MSRB3: variants seen among roughly 807,000 people sequenced by gnomAD.
MSRB3 encodes methionine-R-sulfoxide reductase B3.
In MSRB3, 13 loss-of-function variants were observed where a neutral mutation model predicts 21.0. The ratio of observed to expected loss-of-function variants is 0.62; its 90% CI spans 0.40 to 0.98. The LOEUF is 0.98. Ranked by LOEUF, MSRB3 falls within the 50% of genes least tolerant of loss-of-function variation. The pLI is 0.00. For synonymous variants in MSRB3, 87 were observed against 88.6 expected, an observed-to-expected ratio of 0.98 and a Z score of 0.10; for missense variants, 199 against 230.3, an observed-to-expected ratio of 0.86 and a Z score of 0.88.
intron 1 of MSRB3, among the ~76,000 whole-genome samples, chr12:65,299,751 T>G (rs941822180): frequency 2.0e-5 from 3 of 152,212 alleles, no homozygotes; most frequent in Admixed American, 6.5e-5. Flanking sequence ...ACTGATACCC[T>G]GAGTCTTTCC....
At chr12:65,397,628 C>T (rs1297684556) in intron 5 of MSRB3, among the ~76,000 whole-genome samples, 1 of 151,928 alleles carries the variant, frequency 6.6e-6, no homozygotes, top group African/African-American at 2.4e-5. Flanking sequence ...AATTATTATA[C>T]TCTAAGTTCT....
chr12:65,303,998 G>A (rs1042955157), intron 1 of MSRB3, among the ~76,000 whole-genome samples: 1 of 152,210 alleles, frequency 6.6e-6, no homozygotes, highest in African/African-American at 2.4e-5. Context: ...GAGTTCAGCA[G>A]CAGCTGAGTG....
intron 5 of MSRB3, among the ~76,000 whole-genome samples, chr12:65,378,862 A>G (rs1355793110): frequency 6.6e-6 from 1 of 152,214 alleles, no homozygotes; most frequent in Non-Finnish European, 1.5e-5. Flanking sequence ...TTTTTTTGTA[A>G]GTAATCCAGC....
intron 5 of MSRB3, among the ~76,000 whole-genome samples, chr12:65,421,254 A>G (rs984392913): frequency 2.0e-5 from 3 of 151,906 alleles, no homozygotes; most frequent in Non-Finnish European, 4.4e-5. Context: ...GACCACATAC[A>G]TGTCTTCTTT....
At chr12:65,317,039 A>T (rs1410344844) in intron 2 of MSRB3, among the ~76,000 whole-genome samples, 1 of 152,138 alleles carries the variant, frequency 6.6e-6, no homozygotes, top group East Asian at 1.9e-4. Context: ...GAGAAACAGA[A>T]TGGACAAATA....
At chr12:65,400,627 C>G (rs1356229012) in intron 5 of MSRB3, among the ~76,000 whole-genome samples, 1 of 152,022 alleles carries the variant, frequency 6.6e-6, no homozygotes, top group East Asian at 1.9e-4. Context: ...CTGCTCGGAT[C>G]TTAGTTATTT....
chr12:65,283,433 A>T (rs1175671438), intron 1 of MSRB3, among the ~76,000 whole-genome samples: 4 of 144,420 alleles, frequency 2.8e-5, no homozygotes, highest in African/African-American at 1.0e-4. Context: ...ATCACCTAGA[A>T]TTTTTTTTTT....
At chr12:65,428,246 T>A (rs546197696) in intron 5 of MSRB3, among the ~76,000 whole-genome samples, 1 of 152,204 alleles carries the variant, frequency 6.6e-6, no homozygotes, top group Non-Finnish European at 1.5e-5. Flanking sequence ...TTCTTCTTTG[T>A]TCTGGGCAAT....
chr12:65,348,514 T>G (rs1876690328), intron 4 of MSRB3, among the ~76,000 whole-genome samples: 2 of 152,268 alleles, frequency 1.3e-5, no homozygotes, highest in African/African-American at 4.8e-5. Flanking sequence ...TCTATCAATT[T>G]TGTTGATCTT....
At chr12:65,359,427 G>A (rs1877578411) in intron 4 of MSRB3, among the ~76,000 whole-genome samples, 1 of 151,874 alleles carries the variant, frequency 6.6e-6, no homozygotes, top group South Asian at 2.1e-4. Context: ...AAATTTCCAG[G>A]GAATATAAGA....
At chr12:65,383,087 A>G (rs1879029711) in intron 5 of MSRB3, among the ~76,000 whole-genome samples, 1 of 152,210 alleles carries the variant, frequency 6.6e-6, no homozygotes, top group South Asian at 2.1e-4. Context: ...TATGTACATT[A>G]TGATTTTTTA....
intron 5 of MSRB3, among the ~76,000 whole-genome samples, chr12:65,369,365 T>C (rs1878194110): frequency 1.3e-5 from 2 of 152,212 alleles, no homozygotes. Context: ...AAATTCTCTT[T>C]AGGTTGTCAC....
chr12:65,411,060 A>G (rs1349764792), intron 5 of MSRB3, among the ~76,000 whole-genome samples: 1 of 150,770 alleles, frequency 6.6e-6, no homozygotes, highest in Non-Finnish European at 1.5e-5. Flanking sequence ...CTCTTTGTGT[A>G]GGTTTTCATT....
chr12:65,431,056 G>A (rs1881853727), intron 5 of MSRB3, among the ~76,000 whole-genome samples: 1 of 152,014 alleles, frequency 6.6e-6, no homozygotes, highest in Admixed American at 6.6e-5. Context: ...GATTACTTTA[G>A]TGAGTATTCA....
chr12:65,289,973 C>T (rs1872582893), intron 1 of MSRB3, among the ~76,000 whole-genome samples: 1 of 152,082 alleles, frequency 6.6e-6, no homozygotes, highest in African/African-American at 2.4e-5. Context: ...GTATATAACT[C>T]ATCTTTCTAA....
chr12:65,295,554 C>T (rs1213187964), intron 1 of MSRB3, among the ~76,000 whole-genome samples: 1 of 151,888 alleles, frequency 6.6e-6, no homozygotes, highest in African/African-American at 2.4e-5. Context: ...TTGATGTCTC[C>T]CTTTTTTTTT....
At chr12:65,309,152 A>G (rs1177122700) in intron 2 of MSRB3, among the ~76,000 whole-genome samples, 1 of 152,210 alleles carries the variant, frequency 6.6e-6, no homozygotes, top group Non-Finnish European at 1.5e-5. Flanking sequence ...ACAATGGCCA[A>G]ATAAACAGAA....
intron 2 of MSRB3, among the ~76,000 whole-genome samples, chr12:65,322,648 G>A (rs1475540458): frequency 7.9e-6 from 1 of 125,864 alleles, no homozygotes; most frequent in African/African-American, 3.2e-5. Flanking sequence ...GTGACAGAGC[G>A]AGACTCCATC....
chr12:65,397,094 C>A (rs917519130), intron 5 of MSRB3, among the ~76,000 whole-genome samples: 8 of 152,090 alleles, frequency 5.3e-5, no homozygotes, highest in African/African-American at 1.9e-4. Flanking sequence ...GGAGCATTGA[C>A]CCCTTTATGA....
Sources: gnomAD v4.1 joint callset for allele counts (sites outside exome capture counted in the v4.1 genomes callset) on GRCh38, gnomAD v4.1.1 for gene constraint, MANE v1.5 for transcripts, NCBI Gene and HGNC (gene_info 2026-07-23, HGNC 2026-07-21) for gene names.